Variants in ZMYND11 observed in about 807,000 individuals in gnomAD.
ZMYND11 encodes zinc finger MYND domain-containing protein 11.
A neutral mutation model predicts 84.9 loss-of-function variants in ZMYND11; 9 were observed. The ratio of observed to expected loss-of-function variants is 0.11; its 90% CI spans 0.06 to 0.18. ZMYND11 has a LOEUF of 0.18. Ranked by LOEUF, ZMYND11 falls within the 10% of genes least tolerant of loss-of-function variation. ZMYND11 has a pLI of 1.00. For synonymous variants in ZMYND11, 250 were observed against 244.1 expected (o/e 1.02, Z -0.23); for missense variants, 409 against 761.0 (o/e 0.54, Z 5.44).
chr10:199,502 C>G (rs1330206436), intron 2 of ZMYND11, among the ~76,000 whole-genome samples: 3 of 152,116 alleles, frequency 2.0e-5, no homozygotes, highest in Admixed American at 1.3e-4. Context: ...AATCACAGCT[C>G]TCTTGCAGTC....
intron 1 of ZMYND11, among the ~76,000 whole-genome samples, chr10:143,227 C>T (rs139353599): frequency 2.0e-5 from 3 of 152,258 alleles, no homozygotes; most frequent in Non-Finnish European, 2.9e-5. Context: ...GAGAAATAAT[C>T]GAGTTGTAGC....
upstream of ZMYND11, among the ~76,000 whole-genome samples, chr10:131,362 C>A (rs1235508670): frequency 2.6e-5 from 4 of 152,176 alleles, no homozygotes; most frequent in African/African-American, 9.7e-5. Flanking sequence ...GAAGCCACAG[C>A]TATGGAGCCC....
chr10:243,026 A>T (rs1463426725), intron 10 of ZMYND11, among the ~76,000 whole-genome samples: 1 of 152,178 alleles, frequency 6.6e-6, no homozygotes, highest in East Asian at 1.9e-4. Flanking sequence ...TATGCTTAAT[A>T]CATCATACTC....
chr10:235,550 G>A (rs985841719), intron 4 of ZMYND11, among the ~76,000 whole-genome samples: 1 of 152,190 alleles, frequency 6.6e-6, no homozygotes, highest in African/African-American at 2.4e-5. Flanking sequence ...AAGCAAATAC[G>A]AATCACAGGC....
chr10:130,494 A>C (rs1380314475), upstream of ZMYND11, among the ~76,000 whole-genome samples: 1 of 152,248 alleles, frequency 6.6e-6, no homozygotes, highest in Admixed American at 6.5e-5. Flanking sequence ...AATTGTAGCC[A>C]CTAATACTGA....
chr10:185,937 TG>T (rs1564340897), intron 2 of ZMYND11, among the ~76,000 whole-genome samples: 1 of 150,658 alleles, frequency 6.6e-6, no homozygotes, highest in African/African-American at 2.4e-5. Flanking sequence ...ATCAAAGGAG[TG>T]TTCTCCATGT....
At chr10:181,303 T>A (rs1280970123) in intron 2 of ZMYND11, among the ~76,000 whole-genome samples, 5 of 152,234 alleles carry the variant, frequency 3.3e-5, no homozygotes, top group African/African-American at 1.2e-4. Flanking sequence ...CCTTTCCCTG[T>A]ATGCTGGTGA....
At chr10:147,424 A>T (rs139864927) in intron 1 of ZMYND11, among the ~76,000 whole-genome samples, 141 of 152,046 alleles carry the variant, frequency 9.3e-4, no homozygotes, top group Non-Finnish European at 1.4e-3. Flanking sequence ...TGTTCCTCCT[A>T]TTGAGCTCTA....
At chr10:225,965 G>T (rs1169309373) in intron 4 of ZMYND11, among the ~76,000 whole-genome samples, 1 of 152,216 alleles carries the variant, frequency 6.6e-6, no homozygotes, top group Non-Finnish European at 1.5e-5. Flanking sequence ...CTGACCTTGT[G>T]TGTCTGTGGA....
At chr10:235,603 C>G (rs1289987384) in intron 4 of ZMYND11, among the ~76,000 whole-genome samples, 1 of 152,166 alleles carries the variant, frequency 6.6e-6, no homozygotes, top group Non-Finnish European at 1.5e-5. Flanking sequence ...GCGAGTGAAG[C>G]CCAGCCACGT....
chr10:200,359 T>TTATATATAACATATATAC (rs1942903650), intron 2 of ZMYND11, among the ~76,000 whole-genome samples: 1 of 145,824 alleles, frequency 6.9e-6, no homozygotes, highest in African/African-American at 2.5e-5. Context: ...CATATATGTG[T>TTATATATAACATATATAC]ATATATGTGT....
In ZMYND11 at chr10:135,885, A is replaced by G. The variant is rs1835884363; in HGVS notation, c.-20+326A>G. 6.6e-6 allele frequency among the ~76,000 whole-genome samples: 1 copy of G among 151,076 alleles called. No homozygotes were observed. The highest frequency in any genetic ancestry group is 2.1e-4 in the South Asian group (1 of 4,822). On this transcript the variant is annotated intron_variant, in intron 1 of 14. Transcript: ENST00000381604. The surrounding 1 kb of genome is among the most constrained non-coding windows in gnomAD (Gnocchi z 5.6). The stretch of plus-strand genomic sequence containing the variant: ...CGCGCGGGGCCTGCTCGGGCCGGGA[A>G]GCCGCGGAGTCGCGTGAGCACCGCC...
intron 1 of ZMYND11, among the ~76,000 whole-genome samples, chr10:171,297 C>A (rs1430663988): frequency 6.6e-6 from 1 of 152,094 alleles, no homozygotes; most frequent in Non-Finnish European, 1.5e-5. Flanking sequence ...CGTAGTTGAA[C>A]TCAAAAACAT....
rs34648283 is a variant in ZMYND11, at chr10:239,539, G to GT, written c.697+22dup. 9 of 1,472,780 alleles carry GT rather than the reference G, an allele frequency of 6.1e-6. No individual in the cohort carries two copies. Among genetic ancestry groups the GT allele is most frequent in the Non-Finnish European group, 7.4e-6 (8 of 1,077,150 alleles). The allele number at this position is 1,472,780 out of a possible 1,614,324, so 91.2% of individuals were successfully genotyped here. A position where few individuals can be genotyped will look rare whatever the true frequency, so the allele number is the denominator to read the frequency against. ...TTTTCTATGGAGGTTGAATATTTTTGTTTTTTTTGTATGCATTTTTAAACA... is the reference window on the plus strand; with the variant it reads ...TTTTCTATGGAGGTTGAATATTTTTGTTTTTTTTTGTATGCATTTTTAAACA... On this transcript the variant is annotated intron_variant, in intron 7 of 14. Transcript: ENST00000381604.
chr10:202,311 T>C (rs577189551), intron 2 of ZMYND11, among the ~76,000 whole-genome samples: 94 of 152,322 alleles, frequency 6.2e-4, no homozygotes, highest in Non-Finnish European at 1.1e-3. Context: ...AGGTATGAAT[T>C]TCTTTGAACT....
chr10:218,476 TC>T, intron 3 of ZMYND11: 1 of 395,112 alleles, frequency 2.5e-6, no homozygotes, highest in East Asian at 8.7e-5. Context: ...GCAGCCTTTC[TC>T]CAGGACAGCA....
chr10:212,359 G>T (rs1945397749), intron 3 of ZMYND11, among the ~76,000 whole-genome samples: 1 of 151,812 alleles, frequency 6.6e-6, no homozygotes, highest in Non-Finnish European at 1.5e-5. Context: ...ATAGTATACA[G>T]GTTTAATTCT....
In ZMYND11 at chr10:242,277, G is replaced by GTGTTTTTTTTTT. The variant is rs1951132248; in HGVS notation, c.950+139_950+140insGTTTTTTTTTTT. 5 of 1,315,190 alleles carry GTGTTTTTTTTTT rather than the reference G, an allele frequency of 3.8e-6. No homozygotes were observed. The East Asian group carries it at 1.2e-4, about 31-fold the overall frequency. The allele number at this position is 1,315,190 out of a possible 1,614,324, so 81.5% of individuals were successfully genotyped here. The stretch of plus-strand genomic sequence containing the variant: ...AAACACATTATGCATCCAAGAATAC[G>GTGTTTTTTTTTT]TTCCAAGATAAATTGTTTCCAGATA... On this transcript the variant is annotated intron_variant, in intron 10 of 14. Transcript: ENST00000381604.
intron 3 of ZMYND11, among the ~76,000 whole-genome samples, chr10:211,659 A>T (rs1302121777): frequency 6.6e-6 from 1 of 152,230 alleles, no homozygotes; most frequent in Non-Finnish European, 1.5e-5. Flanking sequence ...AGGAAAGAAC[A>T]TTCACATTTT....
Sources: allele counts gnomAD v4.1 joint callset (sites outside exome capture counted in the v4.1 genomes callset), GRCh38; gene constraint gnomAD v4.1.1; non-coding constraint Gnocchi (gnomAD v3.1); transcripts MANE v1.5; gene names NCBI Gene and HGNC (gene_info 2026-07-23, HGNC 2026-07-21).